Variants in SLC30A8 observed in about 807,000 individuals in gnomAD.
The protein encoded by SLC30A8 is solute carrier family 30 member 8.
A neutral mutation model predicts 36.9 loss-of-function variants in SLC30A8; 27 were observed. The ratio of observed to expected loss-of-function variants is 0.73; its 90% CI spans 0.54 to 1.01. The LOEUF (loss-of-function observed/expected upper bound fraction) is 1.01. Ranked by LOEUF, SLC30A8 falls within the 50% of genes least tolerant of loss-of-function variation. SLC30A8 has a pLI of 0.00. For missense variants in SLC30A8, 439 were observed against 452.0 expected, an observed-to-expected ratio of 0.97 and a Z score of 0.26; for synonymous variants, 164 against 172.4, an observed-to-expected ratio of 0.95 and a Z score of 0.38.
chr8:117,088,739 C>T (rs908434457), intron 2 of SLC30A8, among the ~76,000 whole-genome samples: 3 of 152,142 alleles, frequency 2.0e-5, no homozygotes, highest in African/African-American at 7.2e-5. Flanking sequence ...CCAAGTACCC[C>T]GTGTGCACGT....
chr8:117,011,979 T>C (rs1816358227), intron 1 of SLC30A8, among the ~76,000 whole-genome samples: 1 of 152,194 alleles, frequency 6.6e-6, no homozygotes, highest in South Asian at 2.1e-4. Context: ...GTAACATAAT[T>C]CATACTGATT....
At chr8:116,991,344 C>T (rs2130664055) in intron 1 of SLC30A8, among the ~76,000 whole-genome samples, 1 of 151,846 alleles carries the variant, frequency 6.6e-6, no homozygotes, top group South Asian at 2.1e-4. Context: ...TTACTCTTCT[C>T]ACCCAGGCTG....
intron 6 of SLC30A8, among the ~76,000 whole-genome samples, chr8:117,167,697 T>C (rs957166814): frequency 3.3e-5 from 5 of 152,126 alleles, no homozygotes; most frequent in Admixed American, 2.6e-4. Flanking sequence ...TTGCTTGTGA[T>C]TGACATTATA....
intron 1 of SLC30A8, among the ~76,000 whole-genome samples, chr8:117,138,896 A>G (rs1234106861): frequency 1.3e-5 from 2 of 152,034 alleles, no homozygotes; most frequent in African/African-American, 2.4e-5. Flanking sequence ...ATAGAGGGCT[A>G]TGTATCTTTC....
intron 7 of SLC30A8, among the ~76,000 whole-genome samples, chr8:117,171,931 G>T (rs995157618): frequency 6.6e-6 from 1 of 152,070 alleles, no homozygotes; most frequent in Admixed American, 6.6e-5. Context: ...TCATCTTCTC[G>T]AAGGGGCTTA....
At chr8:117,087,526 G>GTATGATATCATA (rs1330618630) in intron 2 of SLC30A8, among the ~76,000 whole-genome samples, 3 of 151,966 alleles carry the variant, frequency 2.0e-5, no homozygotes, top group African/African-American at 7.3e-5. Context: ...TTTCAAGCTG[G>GTATGATATCATA]CTTCGTCTTT....
chr8:117,123,598 A>G lies in SLC30A8; in HGVS notation c.-225-11682A>G, dbSNP rs1306038208. ...TATTTGATTTTTAAAATTATACTTT[A>G]TAGCAATTACATATTTTACTTTGTC... On this transcript the variant is annotated intron_variant, in intron 2 of 10. Coordinates refer to the SLC30A8 transcript ENST00000427715. Among the ~76,000 whole-genome samples, 11 of 152,168 alleles carry G rather than the reference A, an allele frequency of 7.2e-5. No individual in the cohort carries two copies. The East Asian group carries it at 2.1e-3, about 30-fold the overall frequency.
chr8:117,161,942 A>T, intron 5 of SLC30A8, 54 bp downstream of exon 5: 1 of 1,473,588 alleles, frequency 6.8e-7, no homozygotes, highest in Non-Finnish European at 9.2e-7. Context: ...GGTAGTACAG[A>T]AGCTGACCCT....
chr8:117,066,117 C>G (rs929376355), intron 2 of SLC30A8, among the ~76,000 whole-genome samples: 1 of 152,162 alleles, frequency 6.6e-6, no homozygotes, highest in Admixed American at 6.5e-5. Flanking sequence ...GGATGTCAAA[C>G]TGTCAACTTC....
intron 2 of SLC30A8, among the ~76,000 whole-genome samples, chr8:117,081,660 C>T (rs1818681689): frequency 6.6e-6 from 1 of 152,124 alleles, no homozygotes. Flanking sequence ...TTGAAGGAGA[C>T]CCTCCCCTAT....
chr8:116,992,082 T>A (rs1815665231), intron 1 of SLC30A8, among the ~76,000 whole-genome samples: 1 of 152,224 alleles, frequency 6.6e-6, no homozygotes, highest in African/African-American at 2.4e-5. Flanking sequence ...GAGATTTATT[T>A]GACTGAAATG....
chr8:117,086,348 G>C (rs923090696), intron 2 of SLC30A8, among the ~76,000 whole-genome samples: 1 of 152,184 alleles, frequency 6.6e-6, no homozygotes, highest in Non-Finnish European at 1.5e-5. Flanking sequence ...TATGTCACTT[G>C]TAACATTTTT....
chr8:117,056,790 T>C (rs1817886084), intron 2 of SLC30A8, among the ~76,000 whole-genome samples: 1 of 152,156 alleles, frequency 6.6e-6, no homozygotes, highest in Admixed American at 6.5e-5. Context: ...CTTCTCCCTG[T>C]TGGATGCAGT....
intron 2 of SLC30A8, among the ~76,000 whole-genome samples, chr8:117,072,205 A>G (rs554535774): frequency 1.3e-5 from 2 of 152,288 alleles, no homozygotes; most frequent in South Asian, 4.1e-4. Flanking sequence ...AGGGTTGGTG[A>G]CAGCTTTCCA....
chr8:117,025,552 G>A (rs968498792), intron 1 of SLC30A8, among the ~76,000 whole-genome samples: 6 of 152,154 alleles, frequency 3.9e-5, no homozygotes, highest in African/African-American at 1.2e-4. Flanking sequence ...CAATGACAGC[G>A]CTATTCTCCC....
chr8:117,164,969 C>A (rs1258027944), intron 6 of SLC30A8, among the ~76,000 whole-genome samples: 1 of 152,152 alleles, frequency 6.6e-6, no homozygotes, highest in African/African-American at 2.4e-5. Flanking sequence ...GCCTCCTCTC[C>A]CCCATTCTGC....
chr8:117,023,775 A>G (rs578012393), intron 1 of SLC30A8, among the ~76,000 whole-genome samples: 8 of 152,038 alleles, frequency 5.3e-5, no homozygotes, highest in African/African-American at 1.9e-4. Context: ...AAGTTAAATG[A>G]CGAGTTACTG....
intron 1 of SLC30A8, among the ~76,000 whole-genome samples, chr8:117,011,924 T>G (rs1468566562): frequency 6.6e-6 from 1 of 152,226 alleles, no homozygotes; most frequent in Non-Finnish European, 1.5e-5. Context: ...CAGAAGATTT[T>G]CTCATTCCAT....
chr8:117,020,330 ATC>A, intron 1 of SLC30A8, among the ~76,000 whole-genome samples: 1 of 152,346 alleles, frequency 6.6e-6, no homozygotes, highest in East Asian at 1.9e-4. Flanking sequence ...TAAATTAACT[ATC>A]GTTTTATTCA....
Sources: allele counts gnomAD v4.1 joint callset (sites outside exome capture counted in the v4.1 genomes callset), GRCh38; gene constraint gnomAD v4.1.1; transcripts MANE v1.5; gene names NCBI Gene and HGNC (gene_info 2026-07-23, HGNC 2026-07-21).